The following LONP2 variants were observed in gnomAD, a reference collection of about 807,000 sequenced individuals.
LONP2 encodes lon protease homolog 2, peroxisomal.
A neutral mutation model predicts 85.6 loss-of-function variants in LONP2; 60 were observed. The ratio of observed to expected loss-of-function variants is 0.70; its 90% CI spans 0.57 to 0.87. The LOEUF (loss-of-function observed/expected upper bound fraction) is 0.87, where lower values mean the gene tolerates loss of function less well. Ranked by LOEUF, LONP2 falls within the 40% of genes least tolerant of loss-of-function variation. The pLI is 0.00. For missense variants in LONP2, 860 were observed against 1,063.5 expected (o/e 0.81, Z 2.66); for synonymous variants, 395 against 389.7 (o/e 1.01, Z -0.16).
intron 11 of LONP2, among the ~76,000 whole-genome samples, chr16:48,319,624 GTC>G (rs1364345721): frequency 6.6e-6 from 1 of 152,160 alleles, no homozygotes; most frequent in Non-Finnish European, 1.5e-5. Flanking sequence ...GAGGTAATGT[GTC>G]TCTCCCTAGG....
downstream of LONP2, among the ~76,000 whole-genome samples, chr16:48,359,029 C>G (rs181825338): frequency 2.3e-3 from 346 of 152,258 alleles, 2 homozygotes; most frequent in African/African-American, 8.1e-3. Flanking sequence ...AGTCCGTCAC[C>G]CAGGCTGGAG....
At chr16:48,280,975 A>G (rs1408829214) in intron 8 of LONP2, among the ~76,000 whole-genome samples, 5 of 152,222 alleles carry the variant, frequency 3.3e-5, no homozygotes, top group African/African-American at 1.2e-4. Context: ...AACAAACTCA[A>G]TTACACAACA....
intron 11 of LONP2, among the ~76,000 whole-genome samples, chr16:48,318,088 A>C (rs921019537): frequency 6.6e-6 from 1 of 152,174 alleles, no homozygotes; most frequent in Non-Finnish European, 1.5e-5. Flanking sequence ...TAGTTAAAAA[A>C]AAAAAATGCA....
intron 6 of LONP2, among the ~76,000 whole-genome samples, chr16:48,268,441 CTCT>C (rs1972036037): frequency 6.6e-6 from 1 of 152,186 alleles, no homozygotes; most frequent in Non-Finnish European, 1.5e-5. Flanking sequence ...TGGAAACTTA[CTCT>C]TCTTGAACAT....
Position 48,348,232 on chromosome 16 carries a change from T to C in LONP2, c.2279T>C (p.Leu760Pro). ...TCLASLFSGRLVRSDVAMTGE... is the reference protein window; with the variant it reads ...TCLASLFSGRPVRSDVAMTGE... ...CTCGCCTCACTTTTTAGTGGGCGGCTGGTACGTTCAGATGTAGCCATGACT... is the reference window on the plus strand; with the variant it reads ...CTCGCCTCACTTTTTAGTGGGCGGCCGGTACGTTCAGATGTAGCCATGACT... The change falls in exon 14 of 15, where the codon CTG becomes CCG. Residue 760 changes from leucine to proline, a missense_variant. Coordinates refer to ENST00000285737, the MANE Select transcript of LONP2 (RefSeq NM_031490.5). 6.2e-7 allele frequency: 1 copy of C among 1,611,914 alleles called. No homozygotes were observed. Among genetic ancestry groups the C allele is most frequent in the Non-Finnish European group, 8.5e-7 (1 of 1,179,526 alleles).
At chr16:48,273,162 A>G (rs1332927114) in intron 7 of LONP2, among the ~76,000 whole-genome samples, 2 of 152,158 alleles carry the variant, frequency 1.3e-5, no homozygotes, top group African/African-American at 4.8e-5. Context: ...GCCAAGGAAA[A>G]AGAAAGCCAG....
chr16:48,323,726 GTTA>G (rs1973314045), intron 11 of LONP2, among the ~76,000 whole-genome samples: 1 of 152,018 alleles, frequency 6.6e-6, no homozygotes, highest in Non-Finnish European at 1.5e-5. Flanking sequence ...TATCTCAGTG[GTTA>G]TTATGTAGAA....
chr16:48,320,330 G>A (rs1454479900), intron 11 of LONP2, among the ~76,000 whole-genome samples: 1 of 152,032 alleles, frequency 6.6e-6, no homozygotes, highest in African/African-American at 2.4e-5. Flanking sequence ...GTTTCATCTT[G>A]TTCATTCTTA....
intron 8 of LONP2, among the ~76,000 whole-genome samples, chr16:48,293,153 G>A (rs1430530713): frequency 6.6e-6 from 1 of 152,142 alleles, no homozygotes; most frequent in Non-Finnish European, 1.5e-5. Context: ...TTCCGGCCAG[G>A]CATGGTGGCT....
At chr16:48,245,858 A>G (rs143365703) in intron 1 of LONP2, among the ~76,000 whole-genome samples, 1 of 152,050 alleles carries the variant, frequency 6.6e-6, no homozygotes, top group African/African-American at 2.4e-5. Flanking sequence ...TATGCTCTCA[A>G]CAAGTATCTT....
At chr16:48,330,281 C>T (rs779715200) in intron 11 of LONP2, among the ~76,000 whole-genome samples, 2 of 152,210 alleles carry the variant, frequency 1.3e-5, no homozygotes, top group East Asian at 3.8e-4. Flanking sequence ...AAGAAGAAAA[C>T]TGCACAATTC....
chr16:48,313,997 T>G (rs997791285), intron 11 of LONP2, among the ~76,000 whole-genome samples: 8 of 152,242 alleles, frequency 5.3e-5, no homozygotes, highest in Non-Finnish European at 1.0e-4. Context: ...ATAATTGTCA[T>G]TCTGACTGGC....
Position 48,351,808 on chromosome 16 carries a change from A to G in LONP2, c.*6A>G. 1.2e-6 allele frequency: 2 copies of G among 1,610,974 alleles called. No individual in the cohort carries two copies. Among genetic ancestry groups the G allele is most frequent in the Non-Finnish European group, 1.7e-6 (2 of 1,177,804 alleles). ...TGTTAAATAGCAAACTGTAGGTCCA[A>G]ATCTCAATTTTTTAGAATTTTAAGT... On this transcript the variant is annotated 3_prime_UTR_variant, in exon 15 of 15. Transcript: ENST00000285737.
At chr16:48,288,730 T>G (rs1596950744) in intron 8 of LONP2, among the ~76,000 whole-genome samples, 1 of 152,084 alleles carries the variant, frequency 6.6e-6, no homozygotes, top group South Asian at 2.1e-4. Context: ...GGGCCCACTC[T>G]TACCTTCATT....
intron 12 of LONP2, 131 bp from the exon 13 acceptor site, chr16:48,347,376 G>A (rs764533153): frequency 7.7e-5 from 60 of 784,236 alleles, no homozygotes; most frequent in Non-Finnish European, 1.2e-4. Context: ...GCAGAATCAT[G>A]TTAGGTAACA....
intron 11 of LONP2, among the ~76,000 whole-genome samples, chr16:48,315,200 A>G (rs1486452572): frequency 6.6e-6 from 1 of 152,196 alleles, no homozygotes; most frequent in Non-Finnish European, 1.5e-5. Context: ...CCCTGATTTA[A>G]TTCTCAACAT....
intron 1 of LONP2, 135 bp from the exon 2 acceptor site, chr16:48,251,992 TTAAA>T: frequency 1.7e-6 from 1 of 595,542 alleles, no homozygotes; most frequent in Non-Finnish European, 2.7e-6. Context: ...GGATGCTAAG[TTAAA>T]TAGAGAAAAA....
rs1156692515 is a variant in LONP2 at position 48,302,535 on chromosome 16, TGATTCTAATGTACATGTGTTTA to T, written c.1662-636_1662-615del. 4.3e-4 allele frequency among the ~76,000 whole-genome samples: 65 copies of T among 152,376 alleles called. 1 individual carries two copies. In the South Asian group the frequency reaches 9.7e-3, roughly 23 times the overall value. The stretch of plus-strand genomic sequence containing the variant: ...GTCTGTGGAATGACTTAACGGAGTT[TGATTCTAATGTACATGTGTTTA>T]AAGCAGCTCTGCTTAAACCACACAT... On this transcript the variant is annotated intron_variant, in intron 10 of 14. Transcript: ENST00000285737.
intron 8 of LONP2, among the ~76,000 whole-genome samples, chr16:48,287,512 G>A (rs1489059052): frequency 6.6e-6 from 1 of 152,232 alleles, no homozygotes; most frequent in Admixed American, 6.5e-5. Context: ...AGTGTTCTCT[G>A]AGTTAAGTCA....
Sources: gnomAD v4.1 joint callset for allele counts (sites outside exome capture counted in the v4.1 genomes callset) on GRCh38, gnomAD v4.1.1 for gene constraint, MANE v1.5 for transcripts, NCBI Gene and HGNC (gene_info 2026-07-23, HGNC 2026-07-21) for gene names.